CSMD1: variants seen among roughly 807,000 people sequenced by gnomAD.
CSMD1 encodes the protein CUB and Sushi multiple domains 1, also known as CUB and sushi domain-containing protein 1.
A neutral mutation model predicts 417.5 loss-of-function variants in CSMD1; 213 were observed. The ratio of observed to expected loss-of-function variants is 0.51; its 90% CI spans 0.46 to 0.57. CSMD1 has a LOEUF of 0.57. Among genes scored for constraint, CSMD1 ranks in the 20% least tolerant of loss-of-function variants. The pLI is 0.00. For synonymous variants in CSMD1, 2,862 were observed against 1,736.8 expected, an observed-to-expected ratio of 1.65 and a Z score of -16.11; for missense variants, 6,923 against 4,529.7, an observed-to-expected ratio of 1.53 and a Z score of -15.17.
intron 7 of CSMD1, among the ~76,000 whole-genome samples, chr8:3,676,735 A>AT (rs2117574944): frequency 6.6e-6 from 1 of 152,294 alleles, no homozygotes; most frequent in Admixed American, 6.5e-5. Flanking sequence ...TGAAATACGT[A>AT]TATAATAAAC....
intron 2 of CSMD1, among the ~76,000 whole-genome samples, chr8:4,591,515 G>C (rs779544933): frequency 1.3e-5 from 2 of 152,122 alleles, no homozygotes; most frequent in African/African-American, 4.8e-5. Flanking sequence ...AAGTCACTGT[G>C]GTATAGCGTG....
At chr8:3,942,241 C>A (rs1262648519) in intron 5 of CSMD1, among the ~76,000 whole-genome samples, 1 of 151,984 alleles carries the variant, frequency 6.6e-6, no homozygotes, top group African/African-American at 2.4e-5. Flanking sequence ...ACTGTGTAAT[C>A]TTAATAGAAA....
intron 3 of CSMD1, among the ~76,000 whole-genome samples, chr8:4,203,522 T>C (rs867993224): frequency 2.0e-5 from 3 of 152,178 alleles, no homozygotes; most frequent in Non-Finnish European, 4.4e-5. Flanking sequence ...TTTCTGTGAA[T>C]CCAAGTACCT....
At chr8:4,354,881 T>TGTGTGTGTGTGA (rs1554442773) in intron 3 of CSMD1, among the ~76,000 whole-genome samples, 1 of 149,376 alleles carries the variant, frequency 6.7e-6, no homozygotes, top group African/African-American at 2.5e-5. Context: ...TGTGTGTGTG[T>TGTGTGTGTGTGA]GTGTGTGTGT....
chr8:4,226,924 C>T (rs1801396992), intron 3 of CSMD1, among the ~76,000 whole-genome samples: 1 of 152,158 alleles, frequency 6.6e-6, no homozygotes, highest in African/African-American at 2.4e-5. Flanking sequence ...TTGTCACTTT[C>T]TGTTTTTATT....
intron 8 of CSMD1, among the ~76,000 whole-genome samples, chr8:3,589,784 T>A (rs748110449): frequency 1.3e-5 from 2 of 152,160 alleles, no homozygotes; most frequent in Non-Finnish European, 2.9e-5. Flanking sequence ...ATATGTGAAG[T>A]AATGGGTATG....
chr8:3,792,498 A>C (rs548257826), intron 5 of CSMD1, among the ~76,000 whole-genome samples: 1 of 152,268 alleles, frequency 6.6e-6, no homozygotes, highest in South Asian at 2.1e-4. Flanking sequence ...GCGTTTTTGC[A>C]ACTCGCTGAT....
intron 1 of CSMD1, among the ~76,000 whole-genome samples, chr8:4,914,164 GA>G (rs1805894301): frequency 6.6e-6 from 1 of 152,160 alleles, no homozygotes; most frequent in African/African-American, 2.4e-5. Flanking sequence ...TAAAGTTAAA[GA>G]AACAAAAGCA....
At chr8:4,710,913 G>C (rs973888536) in intron 1 of CSMD1, among the ~76,000 whole-genome samples, 2 of 151,520 alleles carry the variant, frequency 1.3e-5, no homozygotes, top group African/African-American at 2.4e-5. Context: ...ACTAGAAAAT[G>C]GCCTGAGTCC....
intron 8 of CSMD1, among the ~76,000 whole-genome samples, chr8:3,605,848 T>G (rs1277929199): frequency 6.6e-6 from 1 of 152,228 alleles, no homozygotes; most frequent in Non-Finnish European, 1.5e-5. Flanking sequence ...ATTGTTAATC[T>G]ATTCTCTGAT....
rs538547850 is a variant in CSMD1 at position 4,038,725 on chromosome 8, A to G, written c.416-6626T>C. 1.1e-4 allele frequency among the ~76,000 whole-genome samples: 16 copies of G among 152,306 alleles called. No individual in the cohort carries two copies. In the East Asian group the frequency reaches 3.1e-3, roughly 29 times the overall value. ...CAAGAAAGCAATACTTATTTAGGTGATGGGAATTCTGCGCCCAATGCAGAC... is the reference window on the plus strand; with the variant it reads ...CAAGAAAGCAATACTTATTTAGGTGGTGGGAATTCTGCGCCCAATGCAGAC... On this transcript the variant is annotated intron_variant, in intron 3 of 69. Transcript: ENST00000635120.
chr8:3,381,699 A>C (rs1031467202), intron 18 of CSMD1, among the ~76,000 whole-genome samples: 7 of 152,304 alleles, frequency 4.6e-5, no homozygotes, highest in Non-Finnish European at 1.0e-4. Context: ...TTTCATTACT[A>C]GAGTTCCAAT....
At chr8:4,341,516 T>C (rs1800477095) in intron 3 of CSMD1, among the ~76,000 whole-genome samples, 1 of 152,086 alleles carries the variant, frequency 6.6e-6, no homozygotes, top group Non-Finnish European at 1.5e-5. Context: ...TGTGGCCCTT[T>C]CTAGGAAGCA....
chr8:2,988,484 C>T (rs1170298476), intron 54 of CSMD1, among the ~76,000 whole-genome samples: 1 of 152,182 alleles, frequency 6.6e-6, no homozygotes, highest in African/African-American at 2.4e-5. Context: ...ACTGAACTGG[C>T]TCAACTCTTA....
intron 1 of CSMD1, among the ~76,000 whole-genome samples, chr8:4,774,177 G>T (rs1464699861): frequency 6.6e-6 from 1 of 152,196 alleles, no homozygotes; most frequent in Non-Finnish European, 1.5e-5. Flanking sequence ...ACCAGCCTGG[G>T]TGACAGAGCG....
intron 1 of CSMD1, among the ~76,000 whole-genome samples, chr8:4,687,627 G>C (rs933043664): frequency 1.3e-5 from 2 of 152,154 alleles, no homozygotes; most frequent in Non-Finnish European, 1.5e-5. Context: ...GGTGAATTAT[G>C]AAGTGTTACT....
At chr8:4,618,876 C>G (rs114005862) in intron 2 of CSMD1, among the ~76,000 whole-genome samples, 2 of 152,024 alleles carry the variant, frequency 1.3e-5, no homozygotes, top group Non-Finnish European at 2.9e-5. Flanking sequence ...CAAGAGTACA[C>G]GTAATAGAAT....
At chr8:3,767,396 C>G (rs1444170114) in intron 5 of CSMD1, among the ~76,000 whole-genome samples, 1 of 152,214 alleles carries the variant, frequency 6.6e-6, no homozygotes. Context: ...CTTTACTCAG[C>G]CCTCCTAAAC....
rs191732350 is a variant in CSMD1, at chr8:2,947,436, G to C, written c.10402+1863C>G. Among the ~76,000 whole-genome samples, 862 of 152,266 alleles carry C rather than the reference G, an allele frequency of 5.7e-3. 9 individuals carry two copies. Among genetic ancestry groups the C allele is most frequent in the South Asian group, 0.043 (207 of 4,816 alleles). On this transcript the variant is annotated intron_variant, in intron 68 of 69. Transcript: ENST00000635120. Reference sequence around the variant, plus strand: ...ACAAACTTTTCTAATTAGTTGAAGGGGGGACTTACTTATGACTCAAATTAT... The same window carrying C: ...ACAAACTTTTCTAATTAGTTGAAGGCGGGACTTACTTATGACTCAAATTAT...
Sources: gnomAD v4.1 joint callset for allele counts (sites outside exome capture counted in the v4.1 genomes callset) on GRCh38, gnomAD v4.1.1 for gene constraint, MANE v1.5 for transcripts, NCBI Gene and HGNC (gene_info 2026-07-23, HGNC 2026-07-21) for gene names.